AAK1: variants seen among roughly 807,000 people sequenced by gnomAD.
AAK1 encodes AP2-associated protein kinase 1.
A neutral mutation model predicts 116.0 loss-of-function variants in AAK1; 37 were observed. The observed-to-expected ratio is 0.32, with a 90% CI of 0.25 to 0.42. The LOEUF (loss-of-function observed/expected upper bound fraction) is 0.42, where lower values mean the gene tolerates loss of function less well. AAK1 is among the 10% of genes least tolerant of loss of function. The pLI, the probability that AAK1 is intolerant of heterozygous loss-of-function variation, is 1.00. For synonymous variants in AAK1, 458 were observed against 439.9 expected, an observed-to-expected ratio of 1.04 and a Z score of -0.51; for missense variants, 919 against 1,170.6, an observed-to-expected ratio of 0.79 and a Z score of 3.14.
At chr2:69,606,762 A>T (rs1673814397) in intron 2 of AAK1, among the ~76,000 whole-genome samples, 1 of 152,188 alleles carries the variant, frequency 6.6e-6, no homozygotes, top group Non-Finnish European at 1.5e-5. Context: ...AAATAAATAC[A>T]TACATTAAAA....
chr2:69,575,763 C>T (rs546068840), intron 2 of AAK1, among the ~76,000 whole-genome samples: 3 of 152,178 alleles, frequency 2.0e-5, no homozygotes, highest in South Asian at 2.1e-4. Flanking sequence ...ACACCGTGCC[C>T]GGCCACAAAT....
At chr2:69,627,105 T>G (rs925444463) in intron 2 of AAK1, among the ~76,000 whole-genome samples, 1 of 151,836 alleles carries the variant, frequency 6.6e-6, no homozygotes, top group South Asian at 2.1e-4. Context: ...CTGGCCAATA[T>G]GGTGAAACCC....
At chr2:69,611,116 G>T (rs1471513681) in intron 2 of AAK1, among the ~76,000 whole-genome samples, 1 of 152,208 alleles carries the variant, frequency 6.6e-6, no homozygotes, top group Non-Finnish European at 1.5e-5. Context: ...GTCTATGAGG[G>T]TGTTGCCAGA....
At chr2:69,528,042 G>C (rs964919234) in intron 8 of AAK1, among the ~76,000 whole-genome samples, 1 of 152,234 alleles carries the variant, frequency 6.6e-6, no homozygotes. Flanking sequence ...TGACTGCCTT[G>C]CAGAAGAGGC....
rs1674786378 is a variant in AAK1 at position 69,474,612 on chromosome 2, CAGAA to C, written c.*1253_*1256del. On this transcript the variant is annotated 3_prime_UTR_variant, in exon 22 of 22. Coordinates refer to ENST00000409085, the MANE Select transcript of AAK1 (RefSeq NM_014911.5). Reference sequence around the variant, plus strand: ...TGGCTGCAGCCTTCAATTTAAACATCAGAAAGAAAGGTAAGCTGGGCACACCCAG... The same window carrying C: ...TGGCTGCAGCCTTCAATTTAAACATCAGAAAGGTAAGCTGGGCACACCCAG... 6.1e-6 allele frequency: 6 copies of C among 985,208 alleles called. No individual in the cohort carries two copies. Among genetic ancestry groups the C allele is most frequent in the Non-Finnish European group, 6.0e-6 (5 of 829,902 alleles). 61.0% of individuals were successfully genotyped at this position (985,208 alleles called of 1,614,324 possible). A position where few individuals can be genotyped will look rare whatever the true frequency, so the allele number is the denominator to read the frequency against.
At chr2:69,554,145 C>T (rs760997653) in intron 3 of AAK1, among the ~76,000 whole-genome samples, 1 of 151,024 alleles carries the variant, frequency 6.6e-6, no homozygotes, top group African/African-American at 2.4e-5. Context: ...AAAGGAATTA[C>T]GGGTTCTAAC....
intron 2 of AAK1, among the ~76,000 whole-genome samples, chr2:69,584,716 G>A (rs1036395686): frequency 2.6e-5 from 4 of 152,110 alleles, no homozygotes; most frequent in South Asian, 2.1e-4. Context: ...GTATCCTCAC[G>A]CACACAGGCA....
At chr2:69,540,906 C>T (rs1257307495) in intron 5 of AAK1, among the ~76,000 whole-genome samples, 1 of 152,288 alleles carries the variant, frequency 6.6e-6, no homozygotes, top group East Asian at 1.9e-4. Flanking sequence ...ATCCATACAA[C>T]AGAATATTAT....
chr2:69,514,382 C>T, intron 13 of AAK1, 89 bp downstream of exon 13: 1 of 1,443,026 alleles, frequency 6.9e-7, no homozygotes, highest in South Asian at 1.5e-5. Flanking sequence ...GGACCCTCAT[C>T]AGCTGCTGCC....
At chr2:69,632,528 G>A (rs1675230206) in intron 2 of AAK1, among the ~76,000 whole-genome samples, 2 of 152,232 alleles carry the variant, frequency 1.3e-5, no homozygotes, top group Admixed American at 1.3e-4. Flanking sequence ...GACAGTAGTT[G>A]GGAGTTGCTC....
At chr2:69,599,072 G>A (rs1673436606) in intron 2 of AAK1, 1 of 194,622 alleles carries the variant, frequency 5.1e-6, no homozygotes, top group East Asian at 1.6e-4. Context: ...AGCTCATGAA[G>A]AACACACAGA....
rs532381472 is a variant in AAK1 at position 69,609,216 on chromosome 2, A to G, written c.163+33662T>C. ...ATCTCTACCAAAACACACAAAAATT[A>G]GCCGGGCTTGGTGGCGGGTGCCTGT... is the stretch of plus-strand genomic sequence containing the variant. On this transcript the variant is annotated intron_variant, in intron 2 of 21. Coordinates refer to ENST00000409085, the MANE Select transcript of AAK1 (RefSeq NM_014911.5). Among the ~76,000 whole-genome samples, 373 of 151,630 alleles carry G rather than the reference A, an allele frequency of 2.5e-3. 1 individual carries two copies. The highest frequency in any genetic ancestry group is 8.7e-3 in the African/African-American group (360 of 41,262).
At chr2:69,559,262 TCACA>T (rs375580392) in intron 2 of AAK1, among the ~76,000 whole-genome samples, 9,363 of 127,180 alleles carry the variant, frequency 0.074, 335 homozygotes, top group African/African-American at 0.12. Context: ...TCTCTCTCTC[TCACA>T]CACACACACA....
At chr2:69,548,288 A>G (rs890907793) in intron 3 of AAK1, among the ~76,000 whole-genome samples, 1 of 150,796 alleles carries the variant, frequency 6.6e-6, no homozygotes, top group African/African-American at 2.5e-5. Context: ...AGGAAAATAG[A>G]TTTTTTGTAA....
chr2:69,571,472 C>T (rs1338369618), intron 2 of AAK1, among the ~76,000 whole-genome samples: 1 of 152,188 alleles, frequency 6.6e-6, no homozygotes. Context: ...TGTACTTATC[C>T]AATACACTCC....
chr2:69,591,945 C>G (rs1365312638), intron 2 of AAK1, among the ~76,000 whole-genome samples: 1 of 152,120 alleles, frequency 6.6e-6, no homozygotes, highest in Admixed American at 6.6e-5. Context: ...AAGATGTCAC[C>G]AAGGCATCTG....
intron 4 of AAK1, among the ~76,000 whole-genome samples, chr2:69,543,194 A>C (rs1670791950): frequency 6.6e-6 from 1 of 152,128 alleles, no homozygotes; most frequent in South Asian, 2.1e-4. Flanking sequence ...AAGATTGATG[A>C]CCTCACTTAC....
rs71397337 is a variant in AAK1, at chr2:69,578,804, C to CTT, written c.164-21828_164-21827dup. ...AAAAGAAACAAAAATCTCTTCACCT[C>CTT]TTTTTTTTTTTTTTTTTCAGACGGA... On this transcript the variant is annotated intron_variant, in intron 2 of 21. Coordinates refer to ENST00000409085, the MANE Select transcript of AAK1 (RefSeq NM_014911.5). 3.1e-3 allele frequency among the ~76,000 whole-genome samples: 437 copies of CTT among 139,232 alleles called. 4 individuals carry two copies. Among genetic ancestry groups the CTT allele is most frequent in the African/African-American group, 0.011 (402 of 38,056 alleles). The allele number at this position is 139,232 out of a possible 152,430, so 91.3% of individuals were successfully genotyped here. A position where few individuals can be genotyped will look rare whatever the true frequency, so the allele number is the denominator to read the frequency against.
chr2:69,585,145 C>T (rs6760031), intron 2 of AAK1, among the ~76,000 whole-genome samples: 81,010 of 152,054 alleles, frequency 0.53, 23,825 homozygotes, highest in East Asian at 0.78. Flanking sequence ...AAGCTTTAAT[C>T]GAGGATTATA....
Sources: gnomAD v4.1 joint callset for allele counts (sites outside exome capture counted in the v4.1 genomes callset) on GRCh38, gnomAD v4.1.1 for gene constraint, MANE v1.5 for transcripts, NCBI Gene and HGNC (gene_info 2026-07-23, HGNC 2026-07-21) for gene names.